HIVEP2: variants seen among roughly 807,000 people sequenced by gnomAD.
HIVEP2 encodes the protein transcription factor HIVEP2.
Under a neutral mutation model 180.7 loss-of-function variants are expected in HIVEP2, and 14 were observed. The ratio of observed to expected loss-of-function variants is 0.08; its 90% CI spans 0.05 to 0.12. The LOEUF is 0.12. Among genes scored for constraint, HIVEP2 ranks in the 10% least tolerant of loss-of-function variants. HIVEP2 has a pLI of 1.00. For synonymous variants in HIVEP2, 1,184 were observed against 1,136.4 expected, an observed-to-expected ratio of 1.04 and a Z score of -0.84; for missense variants, 2,579 against 3,008.5, an observed-to-expected ratio of 0.86 and a Z score of 3.34.
At chr6:142,820,078 G>A (rs1453235612) in intron 2 of HIVEP2, among the ~76,000 whole-genome samples, 1 of 152,164 alleles carries the variant, frequency 6.6e-6, no homozygotes, top group Non-Finnish European at 1.5e-5. Flanking sequence ...TTCCTGTGGG[G>A]AACATACATC....
intron 1 of HIVEP2, among the ~76,000 whole-genome samples, chr6:142,893,755 C>A (rs1776916441): frequency 6.6e-6 from 1 of 152,172 alleles, no homozygotes; most frequent in Admixed American, 6.5e-5. Flanking sequence ...AACCTCTTAA[C>A]CTGTTTCACC....
chr6:142,892,217 C>T (rs1049586067), intron 1 of HIVEP2, among the ~76,000 whole-genome samples: 1 of 152,152 alleles, frequency 6.6e-6, no homozygotes, highest in African/African-American at 2.4e-5. Context: ...CACCCAGGTC[C>T]AGGAACAGGG....
intron 8 of HIVEP2, 141 bp downstream of exon 8, chr6:142,761,323 G>C (rs1404136309): frequency 1.9e-6 from 1 of 530,394 alleles, no homozygotes. Flanking sequence ...CAATGTGTCA[G>C]TTTTATTTTC....
intron 3 of HIVEP2, among the ~76,000 whole-genome samples, chr6:142,778,885 G>T (rs1271571954): frequency 5.3e-5 from 8 of 152,034 alleles, no homozygotes; most frequent in Non-Finnish European, 1.5e-5. Flanking sequence ...TATATGAAAT[G>T]TCTCAACTTT....
chr6:142,846,592 G>A (rs921773613), intron 1 of HIVEP2, among the ~76,000 whole-genome samples: 2 of 152,092 alleles, frequency 1.3e-5, no homozygotes, highest in African/African-American at 4.8e-5. Context: ...GATTTCACAG[G>A]GCACATCATA....
At chr6:142,933,901 A>T (rs1777993190) in intron 1 of HIVEP2, among the ~76,000 whole-genome samples, 1 of 152,230 alleles carries the variant, frequency 6.6e-6, no homozygotes, top group Non-Finnish European at 1.5e-5. Flanking sequence ...ACAGATTACA[A>T]ATCCAAAAAC....
intron 2 of HIVEP2, among the ~76,000 whole-genome samples, chr6:142,789,378 A>G: frequency 6.6e-6 from 1 of 152,246 alleles, no homozygotes; most frequent in East Asian, 1.9e-4. Context: ...TAAGAGCTAT[A>G]ACCTAGGTTT....
intron 2 of HIVEP2, among the ~76,000 whole-genome samples, chr6:142,827,444 A>G (rs757015357): frequency 7.2e-5 from 11 of 152,280 alleles, no homozygotes; most frequent in Non-Finnish European, 1.3e-4. Flanking sequence ...ACGCCTGCAT[A>G]TGACTGTGTG....
chr6:142,782,628 T>C (rs1461385411), intron 3 of HIVEP2, among the ~76,000 whole-genome samples: 1 of 152,216 alleles, frequency 6.6e-6, no homozygotes, highest in Non-Finnish European at 1.5e-5. Flanking sequence ...GAAAACTCTA[T>C]TATATACAAT....
At chr6:142,898,895 T>A (rs181059715) in intron 1 of HIVEP2, among the ~76,000 whole-genome samples, 21 of 152,206 alleles carry the variant, frequency 1.4e-4, no homozygotes, top group African/African-American at 4.3e-4. Flanking sequence ...ATCGCAGCAT[T>A]AATTCAGGCT....
At chr6:142,785,289 A>G (rs1027720586) in intron 2 of HIVEP2, among the ~76,000 whole-genome samples, 1 of 147,486 alleles carries the variant, frequency 6.8e-6, no homozygotes, top group Non-Finnish European at 1.5e-5. Context: ...ATCTAGGCTA[A>G]AGTAAAGCAT....
At position 142,773,051 on chromosome 6, in the gene HIVEP2, C is replaced by A; in HGVS notation, c.1688G>T (p.Ser563Ile). The A allele has an allele frequency of 6.2e-7, 1 of 1,614,214 alleles. No homozygotes were observed. Among genetic ancestry groups the A allele is most frequent in the Non-Finnish European group, 8.5e-7 (1 of 1,180,040 alleles). ...NLTIPPSLRGSHSFDERMTGS... is the reference protein window; with the variant it reads ...NLTIPPSLRGIHSFDERMTGS... ...AGTCATCCTTTCATCAAATGAGTGA[C>A]TTCCTCTCAAAGAAGGAGGAATAGT... The change falls in exon 5 of 10, where the codon AGT becomes ATT. Residue 563 changes from serine (S) to isoleucine (I), a missense_variant. By Grantham distance (142) the Ser-to-Ile change is moderately radical (BLOSUM62 -2). Coordinates refer to ENST00000367603, the MANE Select transcript of HIVEP2 (RefSeq NM_006734.4).
At position 142,791,880 on chromosome 6, in the gene HIVEP2, G is replaced by A. The variant is rs148254596; in HGVS notation, c.-527-8265C>T. On this transcript the variant is annotated intron_variant, in intron 2 of 9. Coordinates refer to ENST00000367603, the MANE Select transcript of HIVEP2 (RefSeq NM_006734.4). Reference sequence around the variant, plus strand: ...TGAGTAAGGAAAACATATGAACAACGAGCTATAAAAGCAATAGAGGCATGA... The same window carrying A: ...TGAGTAAGGAAAACATATGAACAACAAGCTATAAAAGCAATAGAGGCATGA... 1.1e-4 allele frequency among the ~76,000 whole-genome samples: 16 copies of A among 152,220 alleles called. No individual in the cohort carries two copies. The East Asian group carries it at 1.7e-3, about 17-fold the overall frequency.
chr6:142,772,185 G>A lies in HIVEP2; in HGVS notation c.2554C>T (p.Pro852Ser), dbSNP rs374943743. 8.6e-5 allele frequency: 139 copies of A among 1,614,070 alleles called. No homozygotes were observed. Among genetic ancestry groups the A allele is most frequent in the Non-Finnish European group, 1.1e-4 (125 of 1,180,046 alleles). Reference sequence around the variant, plus strand: ...CCACTTTCTGCACCATCCCCAGGTGGAGCCCACTCAGGACTCACTGGGGCT... The same window carrying A: ...CCACTTTCTGCACCATCCCCAGGTGAAGCCCACTCAGGACTCACTGGGGCT... ...SEAPVSPEWA[P>S]PGDGAESGGK... The change falls in exon 5 of 10, where the codon CCA (proline) becomes TCA (serine). Residue 852 changes from proline to serine, a missense_variant. Pro to Ser is a moderately conservative substitution (Grantham distance 74, BLOSUM62 -1). This residue lies in a region of HIVEP2 where 524 missense variants were observed against 563.6 expected (regional missense o/e 0.93). Coordinates refer to ENST00000367603, the MANE Select transcript of HIVEP2 (RefSeq NM_006734.4). This position sits in a 1 kb window ranked among gnomAD's most constrained non-coding sequence, Gnocchi z 4.9.
chr6:142,848,581 A>G (rs926875369), intron 1 of HIVEP2, among the ~76,000 whole-genome samples: 4 of 151,930 alleles, frequency 2.6e-5, no homozygotes, highest in African/African-American at 9.7e-5. Flanking sequence ...AAAAAATTCA[A>G]CTGGAGCATG....
chr6:142,910,108 A>T (rs891756421), intron 1 of HIVEP2, among the ~76,000 whole-genome samples: 2 of 152,250 alleles, frequency 1.3e-5, no homozygotes, highest in Non-Finnish European at 2.9e-5. Context: ...TAAGCCTAAA[A>T]TAAGGACAAA....
chr6:142,767,942 A>C (rs950554719), intron 6 of HIVEP2, among the ~76,000 whole-genome samples: 24 of 152,344 alleles, frequency 1.6e-4, no homozygotes, highest in South Asian at 4.1e-4. Flanking sequence ...CCTCTAGTTT[A>C]GATAATAAGA....
chr6:142,836,196 A>G (rs1775217466), intron 2 of HIVEP2, among the ~76,000 whole-genome samples: 1 of 152,070 alleles, frequency 6.6e-6, no homozygotes, highest in Non-Finnish European at 1.5e-5. Context: ...TTAAAGTATG[A>G]GTTTGCTTGG....
At chr6:142,915,695 G>A in intron 1 of HIVEP2, among the ~76,000 whole-genome samples, 1 of 152,170 alleles carries the variant, frequency 6.6e-6, no homozygotes, top group East Asian at 1.9e-4. Flanking sequence ...AATCAGGCCT[G>A]TAAAAGTTAG....
Sources: gnomAD v4.1 joint callset for allele counts (sites outside exome capture counted in the v4.1 genomes callset) on GRCh38, gnomAD v4.1.1 for gene constraint, gnomAD v4.1.1 regional missense constraint, Gnocchi (gnomAD v3.1) non-coding constraint, MANE v1.5 for transcripts, NCBI Gene and HGNC (gene_info 2026-07-23, HGNC 2026-07-21) for gene names.